The following MALT1 variants were observed in gnomAD, a reference collection of about 807,000 sequenced individuals.
MALT1 encodes mucosa-associated lymphoid tissue lymphoma translocation protein 1.
MALT1 carries 36 observed loss-of-function variants against 85.5 expected under a neutral mutation model. That is an observed-to-expected ratio of 0.42 (90% CI 0.32 to 0.56). The LOEUF (loss-of-function observed/expected upper bound fraction) is 0.56, where lower values mean the gene tolerates loss of function less well. Among genes scored for constraint, MALT1 ranks in the 20% least tolerant of loss-of-function variants. The probability of loss-of-function intolerance (pLI) is 0.10; values close to 1 mark genes in which losing one functional copy is unlikely to be tolerated. For synonymous variants in MALT1, 359 were observed against 361.3 expected (o/e 0.99, Z 0.07); for missense variants, 716 against 981.6 (o/e 0.73, Z 3.62).
Position 58,671,634 on chromosome 18 carries a change from G to T in MALT1, c.-10G>T. 1 of 1,213,530 alleles carries T rather than the reference G, an allele frequency of 8.2e-7. No individual in the cohort carries two copies. The highest frequency in any genetic ancestry group is 4.1e-5 in the South Asian group (1 of 24,312). 75.2% of individuals were successfully genotyped at this position (1,213,530 alleles called of 1,614,324 possible). A position where few individuals can be genotyped will look rare whatever the true frequency, so the allele number is the denominator to read the frequency against. On this transcript the variant is annotated 5_prime_UTR_variant, in exon 1 of 17. Coordinates refer to ENST00000649217, the MANE Select transcript of MALT1 (RefSeq NM_006785.4). ...GGAGCCCCGGCAGTCCGGGGTCGCC[G>T]GCGAGGGCCATGTCGCTGTTGGGGG...
At chr18:58,728,762 G>T (rs1453758099) in intron 10 of MALT1, among the ~76,000 whole-genome samples, 4 of 152,166 alleles carry the variant, frequency 2.6e-5, no homozygotes, top group Non-Finnish European at 4.4e-5. Flanking sequence ...AAATATTTTG[G>T]TGTTAAGTGC....
chr18:58,708,703 ATT>A (rs1169062858), intron 4 of MALT1, among the ~76,000 whole-genome samples: 1 of 152,186 alleles, frequency 6.6e-6, no homozygotes, highest in Non-Finnish European at 1.5e-5. Context: ...TTTCTAGACT[ATT>A]TTTGTGCATG....
chr18:58,709,306 C>G, intron 4 of MALT1, 72 bp from the exon 5 acceptor site: 1 of 1,001,006 alleles, frequency 1.0e-6, no homozygotes, highest in Non-Finnish European at 1.4e-6. Flanking sequence ...GAACTTGACA[C>G]ATCTCTTTAA....
In MALT1 at chr18:58,744,355, T is replaced by C. The variant is rs763591328; in HGVS notation, c.1771T>C (p.Cys591Arg). 1 of 1,597,368 alleles carries C rather than the reference T, an allele frequency of 6.3e-7. No homozygotes were observed. The highest frequency in any genetic ancestry group is 2.3e-5 in the East Asian group (1 of 44,350). ...AKAHELPESMCLKFDCGVQIQ... is the reference protein window; with the variant it reads ...AKAHELPESMRLKFDCGVQIQ... The stretch of plus-strand genomic sequence containing the variant: ...TTTTTCAGAACTTCCAGAAAGTATG[T>C]GTCTTAAGTTTGACTGTGGTGTTCA... Residue 591 changes from cysteine (C) to arginine (R), a missense_variant, in exon 15 of 17, where the codon TGT (cysteine) becomes CGT (arginine). Physicochemically the swap from Cys to Arg is radical, Grantham distance 180. This residue lies in a region of MALT1 where 260 missense variants were observed against 323.7 expected (regional missense o/e 0.80). Transcript: ENST00000649217.
Position 58,752,941 on chromosome 18 carries a change from C to T in MALT1, c.*5099C>T, listed in dbSNP as rs762487603. On this transcript the variant is annotated 3_prime_UTR_variant, in exon 17 of 17. Transcript: ENST00000649217. ...TTTATGAAGAAGGAGTCTGAGACAC[C>T]TCAGGTTTCAGCCCTTACTAATAGC... 1 of 152,122 alleles carries T rather than the reference C, an allele frequency of 6.6e-6. No individual in the cohort carries two copies. The highest frequency in any genetic ancestry group is 1.5e-5 in the Non-Finnish European group (1 of 68,022). The allele number at this position is 152,122 out of a possible 1,614,324, so 9.4% of individuals were successfully genotyped here. A position where few individuals can be genotyped will look rare whatever the true frequency, so the allele number is the denominator to read the frequency against.
At chr18:58,714,616 C>G (rs1243487953) in intron 8 of MALT1, among the ~76,000 whole-genome samples, 1 of 152,096 alleles carries the variant, frequency 6.6e-6, no homozygotes, top group Non-Finnish European at 1.5e-5. Flanking sequence ...GGTCAGTGAC[C>G]ATTTCTTAAT....
chr18:58,700,762 G>T (rs567678135), intron 4 of MALT1, among the ~76,000 whole-genome samples, 171 bp downstream of exon 4: 1 of 151,588 alleles, frequency 6.6e-6, no homozygotes, highest in South Asian at 2.1e-4. Flanking sequence ...CATGTGTTTT[G>T]TCTTTCTTTT....
rs925248015 is a variant in MALT1, at chr18:58,694,074, A to G, written c.377-2292A>G. Among the ~76,000 whole-genome samples, 9 of 152,144 alleles carry G rather than the reference A, an allele frequency of 5.9e-5. No individual in the cohort carries two copies. In the South Asian group the frequency reaches 1.2e-3, roughly 21 times the overall value. On this transcript the variant is annotated intron_variant, in intron 2 of 16. Coordinates refer to ENST00000649217, the MANE Select transcript of MALT1 (RefSeq NM_006785.4). ...ATCCCATTTTCCACCTTTCCTACCA[A>G]CATGTATCACAGATTTCAGAAAAAT...
intron 4 of MALT1, among the ~76,000 whole-genome samples, chr18:58,702,220 CA>C (rs11380709): frequency 0.13 from 14,588 of 114,554 alleles, 1,092 homozygotes; most frequent in African/African-American, 0.28. Context: ...AAAAAAAATG[CA>C]AAAAAAAAAA....
chr18:58,700,351 C>T, intron 3 of MALT1, 90 bp from the exon 4 acceptor site: 1 of 1,027,516 alleles, frequency 9.7e-7, no homozygotes, highest in Non-Finnish European at 1.4e-6. Context: ...ACTTTCAAAG[C>T]TTCATACTGA....
intron 2 of MALT1, among the ~76,000 whole-genome samples, chr18:58,689,916 G>T (rs1176911782): frequency 4.6e-5 from 7 of 152,224 alleles, no homozygotes; most frequent in Non-Finnish European, 8.8e-5. Flanking sequence ...GCCCAGTATG[G>T]CTGGAGCTTG....
Position 58,741,871 on chromosome 18 carries a change from G to T in MALT1, c.1610G>T (p.Gly537Val). 6.6e-7 allele frequency: 1 copy of T among 1,504,264 alleles called. No individual in the cohort carries two copies. Among genetic ancestry groups the T allele is most frequent in the Non-Finnish European group, 9.0e-7 (1 of 1,105,806 alleles). 93.2% of individuals were successfully genotyped at this position (1,504,264 alleles called of 1,614,324 possible). A position where few individuals can be genotyped will look rare whatever the true frequency, so the allele number is the denominator to read the frequency against. ...TTATTTTCATATCTTTTAGATATGG[G>T]TAAGTGTCACCTTACCAAAGGCAAA... is the stretch of plus-strand genomic sequence containing the variant. ...VLLDEVAEDM[G>V]KCHLTKGKQA... The change falls in exon 14 of 17, where the codon GGT (glycine) becomes GTT (valine). Residue 537 changes from glycine to valine, a missense_variant. Physicochemically the swap from Gly to Val is moderately radical, Grantham distance 109. Around this residue, in one of 4 missense-constraint regions of MALT1, gnomAD observed 86 missense variants for 212.3 expected, o/e 0.41. Transcript: ENST00000649217.
intron 1 of MALT1, among the ~76,000 whole-genome samples, chr18:58,678,247 CA>C (rs2054269838): frequency 1.3e-5 from 2 of 152,142 alleles, no homozygotes; most frequent in African/African-American, 4.8e-5. Flanking sequence ...TAAGACTACT[CA>C]AAATGAATGA....
Position 58,723,037 on chromosome 18 carries a change from T to C in MALT1, c.1019-11T>C. Reference sequence around the variant, plus strand: ...TCTTCTTTAAACACCCCCTTTCTTTTTTTTTCAAAGCGAAGGACAAGGTTG... The same window carrying C: ...TCTTCTTTAAACACCCCCTTTCTTTCTTTTTCAAAGCGAAGGACAAGGTTG... On this transcript the variant is annotated splice_polypyrimidine_tract_variant and intron_variant, in intron 9 of 16. Transcript: ENST00000649217. 6.2e-7 allele frequency: 1 copy of C among 1,610,096 alleles called. No homozygotes were observed. The highest frequency in any genetic ancestry group is 8.5e-7 in the Non-Finnish European group (1 of 1,177,442).
chr18:58,691,485 G>T, intron 2 of MALT1: 1 of 227,704 alleles, frequency 4.4e-6, no homozygotes, highest in South Asian at 5.5e-5. Context: ...GAACACCACA[G>T]ACCTGGCCTC....
intron 2 of MALT1, among the ~76,000 whole-genome samples, chr18:58,683,638 G>A (rs1284152549): frequency 2.0e-5 from 3 of 152,102 alleles, no homozygotes; most frequent in Non-Finnish European, 4.4e-5. Flanking sequence ...TTTTTGACAG[G>A]CCAGCAACTA....
intron 14 of MALT1, among the ~76,000 whole-genome samples, chr18:58,742,241 A>C: frequency 6.6e-6 from 1 of 152,302 alleles, no homozygotes; most frequent in Middle Eastern, 3.4e-3. Flanking sequence ...GTAAAATTTA[A>C]ATGACCATTT....
intron 13 of MALT1, among the ~76,000 whole-genome samples, chr18:58,740,506 CTT>C (rs143919770): frequency 6.6e-6 from 1 of 151,092 alleles, no homozygotes; most frequent in African/African-American, 2.4e-5. Flanking sequence ...TTTTAGTTGA[CTT>C]TTTTTTTCTT....
chr18:58,700,382 A>G, intron 3 of MALT1, 59 bp from the exon 4 acceptor site: 2 of 1,324,720 alleles, frequency 1.5e-6, no homozygotes, highest in East Asian at 2.5e-5. Flanking sequence ...TTTGTACAGC[A>G]TATTTTATAA....
Sources: gnomAD v4.1 joint callset for allele counts (sites outside exome capture counted in the v4.1 genomes callset) on GRCh38, gnomAD v4.1.1 for gene constraint, gnomAD v4.1.1 regional missense constraint, MANE v1.5 for transcripts, NCBI Gene and HGNC (gene_info 2026-07-23, HGNC 2026-07-21) for gene names.